The following NAV3 variants were observed in gnomAD, a reference collection of about 807,000 sequenced individuals.
NAV3 encodes the protein pore membrane and/or filament interacting like protein 1.
A neutral mutation model predicts 244.7 loss-of-function variants in NAV3; 87 were observed. That is an observed-to-expected ratio of 0.36 (90% confidence interval 0.30 to 0.42). The LOEUF (loss-of-function observed/expected upper bound fraction) is 0.42, where lower values mean the gene tolerates loss of function less well. Among genes scored for constraint, NAV3 ranks in the 20% least tolerant of loss-of-function variants. The probability of loss-of-function intolerance (pLI) is 1.00; values close to 1 mark genes in which losing one functional copy is unlikely to be tolerated. For synonymous variants in NAV3, 1,126 were observed against 1,042.2 expected (o/e 1.08, Z -1.55); for missense variants, 2,663 against 2,893.3 (o/e 0.92, Z 1.83).
intron 3 of NAV3, among the ~76,000 whole-genome samples, chr12:77,942,157 G>A (rs1889930390): frequency 6.6e-6 from 1 of 152,224 alleles, no homozygotes; most frequent in Admixed American, 6.5e-5. Context: ...TGGATGACCT[G>A]AGGTCGGGAG....
intron 1 of NAV3, among the ~76,000 whole-genome samples, chr12:77,838,644 C>G (rs552259210): frequency 1.1e-4 from 16 of 151,996 alleles, no homozygotes; most frequent in Admixed American, 9.2e-4. Context: ...AAACATAAAG[C>G]CAATAGATAT....
chr12:77,797,891 C>T (rs891479542), intron 2 of NAV3, among the ~76,000 whole-genome samples: 13 of 150,082 alleles, frequency 8.7e-5, no homozygotes, highest in African/African-American at 9.8e-5. Flanking sequence ...TTGTTTTACC[C>T]GGTACAGTGG....
intron 12 of NAV3, among the ~76,000 whole-genome samples, chr12:78,081,542 G>T (rs1474420275): frequency 6.6e-6 from 1 of 152,188 alleles, no homozygotes; most frequent in East Asian, 1.9e-4. Flanking sequence ...TCTCTTGCAG[G>T]CTGTCACCAT....
chr12:78,139,743 C>A (rs1057023592), intron 19 of NAV3, among the ~76,000 whole-genome samples: 3 of 151,904 alleles, frequency 2.0e-5, no homozygotes, highest in Non-Finnish European at 4.4e-5. Flanking sequence ...AAGTATTTTT[C>A]TCTTCCTAAA....
rs376168926 is a variant in NAV3 at position 78,061,172 on chromosome 12, T to C, written c.2636+2057T>C. ...TAGAATATCTCAAGGTAAGGCCTGG[T>C]AATCTGAGCTTTAACTAGCCCTCAA... On this transcript the variant is annotated intron_variant, in intron 12 of 39. Coordinates refer to ENST00000397909, the MANE Select transcript of NAV3 (RefSeq NM_001024383.2). 6.6e-5 allele frequency among the ~76,000 whole-genome samples: 10 copies of C among 152,300 alleles called. No homozygotes were observed. The South Asian group carries it at 2.1e-3, about 32-fold the overall frequency.
intron 3 of NAV3, among the ~76,000 whole-genome samples, chr12:77,957,215 C>CAGCTATTTTACA (rs1891449702): frequency 6.6e-6 from 1 of 152,190 alleles, no homozygotes; most frequent in African/African-American, 2.4e-5. Context: ...TCTGTCTCCT[C>CAGCTATTTTACA]AGCTATTTTA....
intron 2 of NAV3, among the ~76,000 whole-genome samples, chr12:77,708,432 C>T (rs1357871776): frequency 6.6e-6 from 1 of 152,114 alleles, no homozygotes; most frequent in African/African-American, 2.4e-5. Flanking sequence ...TGTTTTTGTA[C>T]CAGTACCATG....
intron 15 of NAV3, among the ~76,000 whole-genome samples, chr12:78,121,288 C>T (rs1955656237): frequency 6.6e-6 from 1 of 152,176 alleles, no homozygotes; most frequent in African/African-American, 2.4e-5. Flanking sequence ...AGCTCTGTTT[C>T]AAATCACTAT....
intron 9 of NAV3, among the ~76,000 whole-genome samples, chr12:78,035,283 T>C (rs12320435): frequency 0.13 from 19,889 of 152,176 alleles, 2,146 homozygotes; most frequent in African/African-American, 0.3. Flanking sequence ...TATTTCTCCA[T>C]TTTCCCTCAT....
At chr12:78,064,711 A>C (rs1202228776) in intron 12 of NAV3, among the ~76,000 whole-genome samples, 2 of 152,106 alleles carry the variant, frequency 1.3e-5, no homozygotes, top group Non-Finnish European at 2.9e-5. Flanking sequence ...AAGGTCAGTC[A>C]CTATATATGT....
intron 8 of NAV3, among the ~76,000 whole-genome samples, chr12:78,011,992 T>C (rs1176898671): frequency 6.6e-6 from 1 of 152,010 alleles, no homozygotes; most frequent in Non-Finnish European, 1.5e-5. Flanking sequence ...GGGAAACTGC[T>C]CCCTTGGTCC....
chr12:77,703,928 A>G (rs73410439), intron 2 of NAV3, among the ~76,000 whole-genome samples: 3,804 of 152,292 alleles, frequency 0.025, 91 homozygotes, highest in African/African-American at 0.06. Context: ...CTCCTGGCTT[A>G]CCAATAATCA....
chr12:78,064,671 A>G (rs1368586667), intron 12 of NAV3, among the ~76,000 whole-genome samples: 1 of 151,934 alleles, frequency 6.6e-6, no homozygotes, highest in South Asian at 2.1e-4. Flanking sequence ...ACCCTGTGTA[A>G]CTCCCAGGTG....
Position 78,190,059 on chromosome 12 carries a change from A to C in NAV3, c.6131A>C (p.Asn2044Thr). 5 of 1,613,280 alleles carry C rather than the reference A, an allele frequency of 3.1e-6. No individual in the cohort carries two copies. Among genetic ancestry groups the C allele is most frequent in the Admixed American group, 1.7e-5 (1 of 59,926 alleles). ...AAACCAATTACCCAAAGGTACTTTA[A>C]CTTGTTGATGGAGCATCACAGAATT... Reference protein sequence around the residue: ...IPKPITQRYFNLLMEHHRIIL... With the variant: ...IPKPITQRYFTLLMEHHRIIL... The change falls in exon 34 of 40, where the codon AAC becomes ACC. Residue 2044 changes from asparagine to threonine, a missense_variant. Asn to Thr is a moderately conservative substitution (Grantham distance 65, BLOSUM62 0). Around this residue, in one of 6 missense-constraint regions of NAV3, gnomAD observed 543 missense variants for 672.4 expected, o/e 0.81. Coordinates refer to ENST00000397909, the MANE Select transcript of NAV3 (RefSeq NM_001024383.2).
At chr12:77,947,362 A>T (rs1276124657) in intron 3 of NAV3, 1 of 151,434 alleles carries the variant, frequency 6.6e-6, no homozygotes, top group African/African-American at 2.4e-5. Context: ...TGTCCTTTAA[A>T]GTTTTATTTT....
At chr12:77,656,053 C>A (rs1004299003) in intron 2 of NAV3, among the ~76,000 whole-genome samples, 1 of 150,842 alleles carries the variant, frequency 6.6e-6, no homozygotes, top group Non-Finnish European at 1.5e-5. Flanking sequence ...CATCAACTAA[C>A]GAGCAGAATA....
At chr12:77,645,269 A>ATTTTTTTTT in intron 2 of NAV3, among the ~76,000 whole-genome samples, 1 of 150,546 alleles carries the variant, frequency 6.6e-6, no homozygotes, top group Non-Finnish European at 1.5e-5. Context: ...AAATCTTATG[A>ATTTTTTTTT]TTTTTTTTTT....
At chr12:78,210,204 T>C (rs1412166435) in intron 39 of NAV3, among the ~76,000 whole-genome samples, 194 bp from the exon 40 acceptor site, 2 of 152,118 alleles carry the variant, frequency 1.3e-5, no homozygotes, top group Admixed American at 6.6e-5. Flanking sequence ...TTTGTCCTTA[T>C]GGTTTGGTGT....
intron 9 of NAV3, among the ~76,000 whole-genome samples, chr12:78,024,326 C>T (rs946620297): frequency 6.6e-6 from 1 of 152,194 alleles, no homozygotes; most frequent in Admixed American, 6.5e-5. Context: ...AAACACACCG[C>T]ATGTCAATGC....
Sources: allele counts gnomAD v4.1 joint callset (sites outside exome capture counted in the v4.1 genomes callset), GRCh38; gene constraint gnomAD v4.1.1; regional missense constraint gnomAD v4.1.1; transcripts MANE v1.5; gene names NCBI Gene and HGNC (gene_info 2026-07-23, HGNC 2026-07-21).